Variants in GNAZ observed in about 807,000 individuals in gnomAD.
The protein encoded by GNAZ is guanine nucleotide-binding protein G(z) subunit alpha.
A neutral mutation model predicts 25.4 loss-of-function variants in GNAZ; 3 were observed. The ratio of observed to expected loss-of-function variants is 0.12; its 90% confidence interval spans 0.05 to 0.30. GNAZ has a LOEUF of 0.30. Among genes scored for constraint, GNAZ ranks in the 10% least tolerant of loss-of-function variants. The pLI is 1.00. For missense variants in GNAZ, 241 were observed against 501.8 expected (o/e 0.48, Z 4.97); for synonymous variants, 211 against 205.7 (o/e 1.03, Z -0.22).
intron 2 of GNAZ, among the ~76,000 whole-genome samples, chr22:23,098,811 G>A (rs997598640): frequency 6.6e-6 from 1 of 152,242 alleles, no homozygotes. Context: ...CCCCGGAGGT[G>A]AGCTGGCCCC....
intron 2 of GNAZ, among the ~76,000 whole-genome samples, chr22:23,100,931 A>G (rs1339328112): frequency 6.6e-6 from 1 of 152,216 alleles, no homozygotes; most frequent in African/African-American, 2.4e-5. Context: ...GCTGTGGTTT[A>G]TCATTTAGCC....
At chr22:23,089,357 C>T (rs1005415633) in intron 1 of GNAZ, among the ~76,000 whole-genome samples, 11 of 152,172 alleles carry the variant, frequency 7.2e-5, no homozygotes, top group African/African-American at 2.2e-4. Context: ...CTGGAGGTTA[C>T]GGGCAGGGCA....
At chr22:23,109,111 CCTT>C (rs1446232004) in intron 2 of GNAZ, among the ~76,000 whole-genome samples, 9 of 152,168 alleles carry the variant, frequency 5.9e-5, no homozygotes, top group Middle Eastern at 3.2e-3. Context: ...GCTCCAGCCT[CCTT>C]GGAAGACCTA....
chr22:23,080,052 G>T (rs1176376029), intron 1 of GNAZ, among the ~76,000 whole-genome samples: 1 of 152,192 alleles, frequency 6.6e-6, no homozygotes, highest in African/African-American at 2.4e-5. Flanking sequence ...GGAGCCAGGA[G>T]CCTGGGGCTA....
chr22:23,087,665 G>A (rs986083019), intron 1 of GNAZ, among the ~76,000 whole-genome samples: 3 of 152,220 alleles, frequency 2.0e-5, no homozygotes, highest in African/African-American at 7.2e-5. Context: ...TGGATGGGGG[G>A]TAGCCAGTGA....
chr22:23,079,629 G>A (rs1302397242), intron 1 of GNAZ, among the ~76,000 whole-genome samples: 2 of 152,242 alleles, frequency 1.3e-5, no homozygotes, highest in Non-Finnish European at 2.9e-5. Context: ...TTACAAGGAT[G>A]CCCCTGGCTG....
intron 2 of GNAZ, among the ~76,000 whole-genome samples, chr22:23,103,570 T>TTGCC (rs2069368174): frequency 6.6e-6 from 1 of 152,092 alleles, no homozygotes; most frequent in Non-Finnish European, 1.5e-5. Flanking sequence ...GGCTCTTCAC[T>TTGCC]TGCCTGCCTC....
At chr22:23,107,146 C>T (rs1227247580) in intron 2 of GNAZ, among the ~76,000 whole-genome samples, 1 of 152,218 alleles carries the variant, frequency 6.6e-6, no homozygotes, top group Non-Finnish European at 1.5e-5. Flanking sequence ...CCAGGCTTAG[C>T]TGGTGCTGTT....
chr22:23,088,379 G>A lies in GNAZ; in HGVS notation c.-449-6868G>A, dbSNP rs1303208535. On this transcript the variant is annotated intron_variant, in intron 1 of 2. Transcript: ENST00000615612. ...AGGGCCTGTGGTCACAGGCATCAGT[G>A]AGCCTGGAGATCTGTCACTGCGCGG... is the stretch of plus-strand genomic sequence containing the variant. 7.2e-5 allele frequency among the ~76,000 whole-genome samples: 11 copies of A among 152,320 alleles called. 1 individual carries two copies. The East Asian group carries it at 7.7e-4, about 11-fold the overall frequency.
chr22:23,089,125 A>G (rs886790692), intron 1 of GNAZ, among the ~76,000 whole-genome samples: 8 of 151,970 alleles, frequency 5.3e-5, no homozygotes, highest in African/African-American at 1.7e-4. Flanking sequence ...GGACCTGGAG[A>G]GTGAGGGGCT....
chr22:23,083,847 A>G (rs568543693), intron 1 of GNAZ, among the ~76,000 whole-genome samples: 1 of 152,340 alleles, frequency 6.6e-6, no homozygotes, highest in Admixed American at 6.5e-5. Flanking sequence ...GCAGGCCCAG[A>G]CTGAGTCCAC....
chr22:23,107,280 G>A (rs995645020), intron 2 of GNAZ, among the ~76,000 whole-genome samples: 2 of 152,176 alleles, frequency 1.3e-5, no homozygotes, highest in African/African-American at 4.8e-5. Context: ...TCCCAGAGGA[G>A]CCCCATCTGT....
intron 2 of GNAZ, among the ~76,000 whole-genome samples, chr22:23,113,525 T>A (rs1159236372): frequency 6.6e-6 from 1 of 152,256 alleles, no homozygotes; most frequent in African/African-American, 2.4e-5. Context: ...ATTCCAGGAC[T>A]GGCTGGGGAA....
intron 2 of GNAZ, among the ~76,000 whole-genome samples, chr22:23,122,109 T>C (rs2070047715): frequency 6.6e-6 from 1 of 152,206 alleles, no homozygotes; most frequent in Admixed American, 6.5e-5. Context: ...ATTGAGTTTA[T>C]CTTAGAAGCA....
At chr22:23,086,555 G>A (rs1316510619) in intron 1 of GNAZ, among the ~76,000 whole-genome samples, 1 of 152,200 alleles carries the variant, frequency 6.6e-6, no homozygotes, top group African/African-American at 2.4e-5. Context: ...GTTGAGGAAA[G>A]CACAGCAGAG....
chr22:23,083,390 G>A (rs2068731856), intron 1 of GNAZ, among the ~76,000 whole-genome samples: 1 of 152,284 alleles, frequency 6.6e-6, no homozygotes, highest in African/African-American at 2.4e-5. Flanking sequence ...GTGGACTGCA[G>A]GGTGACCCCT....
rs1374562061 is a variant in GNAZ at position 23,071,096 on chromosome 22, C to T, written c.-450+526C>T. ...AGACGGACAGCTAGCAGTTCTCGGT[C>T]ACTGCTCTTGCAGCGAGCAGGTTCC... On this transcript the variant is annotated intron_variant, in intron 1 of 2. Transcript: ENST00000615612. This position sits in a 1 kb window ranked among gnomAD's most constrained non-coding sequence, Gnocchi z 4.1. Among the ~76,000 whole-genome samples the T allele has an allele frequency of 6.6e-6, 1 of 152,220 alleles. No individual in the cohort carries two copies. Among genetic ancestry groups the T allele is most frequent in the Non-Finnish European group, 1.5e-5 (1 of 68,034 alleles).
rs1395485556 is a variant in GNAZ at position 23,096,016 on chromosome 22, C to T, written c.321C>T (p.Leu107=). The T allele has an allele frequency of 6.2e-7, 1 of 1,607,610 alleles. No individual in the cohort carries two copies. Among genetic ancestry groups the T allele is most frequent in the East Asian group, 2.2e-5 (1 of 44,884 alleles). Residue 107 remains leucine (L), a synonymous_variant, in exon 2 of 3, where the codon CTC becomes CTT. Transcript: ENST00000615612. Reference sequence around the variant, plus strand: ...ACCGCGCCTACGACGCTGTGCAGCTCTTTGCGCTGACGGGCCCCGCTGAGA... The same window carrying T: ...ACCGCGCCTACGACGCTGTGCAGCTTTTTGCGCTGACGGGCCCCGCTGAGA... ...NPDRAYDAVQ[L]FALTGPAESK...
At chr22:23,092,801 C>T (rs1353792799) in intron 1 of GNAZ, among the ~76,000 whole-genome samples, 1 of 152,240 alleles carries the variant, frequency 6.6e-6, no homozygotes, top group East Asian at 1.9e-4. Flanking sequence ...AGCAGCTTCT[C>T]TGCCCACCAC....
Sources: allele counts gnomAD v4.1 joint callset (sites outside exome capture counted in the v4.1 genomes callset), GRCh38; gene constraint gnomAD v4.1.1; non-coding constraint Gnocchi (gnomAD v3.1); transcripts MANE v1.5; gene names NCBI Gene and HGNC (gene_info 2026-07-23, HGNC 2026-07-21).